The following KCNK10 variants were observed in gnomAD, a reference collection of about 807,000 sequenced individuals.
KCNK10 encodes potassium two pore domain channel subfamily K member 10, also known as potassium channel subfamily K member 10.
KCNK10 carries 25 observed loss-of-function variants against 47.7 expected under a neutral mutation model. The observed-to-expected ratio is 0.52, with a 90% CI of 0.38 to 0.73. The LOEUF (loss-of-function observed/expected upper bound fraction) is 0.73, where lower values mean the gene tolerates loss of function less well. Ranked by LOEUF, KCNK10 falls within the 30% of genes least tolerant of loss-of-function variation. KCNK10 has a pLI of 0.00. For synonymous variants in KCNK10, 303 were observed against 285.6 expected, an observed-to-expected ratio of 1.06 and a Z score of -0.61; for missense variants, 563 against 714.5, an observed-to-expected ratio of 0.79 and a Z score of 2.42.
At chr14:88,234,701 G>A (rs942965939) in intron 3 of KCNK10, among the ~76,000 whole-genome samples, 1 of 152,204 alleles carries the variant, frequency 6.6e-6, no homozygotes, top group African/African-American at 2.4e-5. Flanking sequence ...TCATTGCTGT[G>A]GACCAGTGAC....
At chr14:88,305,305 A>G (rs1888183324) in intron 1 of KCNK10, among the ~76,000 whole-genome samples, 2 of 152,364 alleles carry the variant, frequency 1.3e-5, no homozygotes, top group South Asian at 4.1e-4. Context: ...TTGCTAATTC[A>G]GGATTTACAG....
At chr14:88,295,333 C>A (rs1887964603) in intron 1 of KCNK10, among the ~76,000 whole-genome samples, 2 of 152,192 alleles carry the variant, frequency 1.3e-5, no homozygotes, top group Admixed American at 1.3e-4. Context: ...TCATAATTTG[C>A]AAAATTCTTC....
intron 4 of KCNK10, among the ~76,000 whole-genome samples, chr14:88,203,095 G>A (rs867404837): frequency 1.3e-5 from 2 of 152,178 alleles, no homozygotes; most frequent in Non-Finnish European, 2.9e-5. Context: ...GGACCCTGTG[G>A]AAGCCATTCC....
chr14:88,235,144 A>G (rs1035807900), intron 3 of KCNK10: 2 of 456,520 alleles, frequency 4.4e-6, no homozygotes, highest in African/African-American at 4.0e-5. Context: ...CTATTTGCAG[A>G]AACACTCTGT....
At chr14:88,276,109 A>G (rs1238567805) in intron 1 of KCNK10, among the ~76,000 whole-genome samples, 2 of 152,004 alleles carry the variant, frequency 1.3e-5, no homozygotes, top group Non-Finnish European at 2.9e-5. Flanking sequence ...AGTTGAAGCG[A>G]TTACTGCTAC....
intron 2 of KCNK10, among the ~76,000 whole-genome samples, chr14:88,247,616 G>C (rs1886681845): frequency 6.6e-6 from 1 of 152,192 alleles, no homozygotes; most frequent in Non-Finnish European, 1.5e-5. Context: ...CTGGCAGAAA[G>C]GACAGGGCAA....
At chr14:88,237,957 T>C (rs1279769495) in intron 3 of KCNK10, among the ~76,000 whole-genome samples, 1 of 152,222 alleles carries the variant, frequency 6.6e-6, no homozygotes, top group African/African-American at 2.4e-5. Flanking sequence ...TCTGTAACTA[T>C]GAAAGTCCTA....
intron 4 of KCNK10, among the ~76,000 whole-genome samples, chr14:88,220,348 C>T (rs427870): frequency 4.0e-5 from 5 of 123,792 alleles, no homozygotes; most frequent in East Asian, 2.8e-4. Flanking sequence ...ACCCGGGAGG[C>T]GGAGCTTGCA....
At chr14:88,222,816 C>G (rs1197986100) in intron 4 of KCNK10, among the ~76,000 whole-genome samples, 1 of 152,078 alleles carries the variant, frequency 6.6e-6, no homozygotes, top group African/African-American at 2.4e-5. Context: ...ATGTGAGTGA[C>G]AAGTCTGAGG....
chr14:88,234,140 C>T (rs1335406182), intron 3 of KCNK10, among the ~76,000 whole-genome samples: 2 of 152,116 alleles, frequency 1.3e-5, no homozygotes, highest in Admixed American at 6.5e-5. Flanking sequence ...ACTTTTTGCC[C>T]GTATACTAAA....
intron 2 of KCNK10, among the ~76,000 whole-genome samples, chr14:88,245,006 C>A (rs1254410531): frequency 6.6e-6 from 1 of 152,150 alleles, no homozygotes; most frequent in Admixed American, 6.5e-5. Context: ...CATTTTAATT[C>A]CATTCCTCCT....
Position 88,234,166 on chromosome 14 carries a change from C to CA in KCNK10, c.520+6536dup, listed in dbSNP as rs1231977370. ...GTATACTAAATGGTGTCAGGCCACCCAGCTTCCTTTGTTGGACGCTGTGAG... is the reference window on the plus strand; with the variant it reads ...GTATACTAAATGGTGTCAGGCCACCCAAGCTTCCTTTGTTGGACGCTGTGAG... On this transcript the variant is annotated intron_variant, in intron 3 of 6. Transcript: ENST00000319231. 3.9e-5 allele frequency among the ~76,000 whole-genome samples: 6 copies of CA among 152,278 alleles called. No homozygotes were observed. In the East Asian group the frequency reaches 1.2e-3, roughly 29 times the overall value.
chr14:88,258,459 T>G (rs1887019766), intron 2 of KCNK10, among the ~76,000 whole-genome samples: 2 of 152,012 alleles, frequency 1.3e-5, no homozygotes, highest in African/African-American at 2.4e-5. Context: ...CCCAGCTAAT[T>G]TTTGTATTTT....
chr14:88,234,537 CA>C (rs1203957449), intron 3 of KCNK10, among the ~76,000 whole-genome samples: 4 of 152,206 alleles, frequency 2.6e-5, no homozygotes, highest in Non-Finnish European at 5.9e-5. Context: ...AGTTGATTGT[CA>C]AAACTGTGCC....
chr14:88,287,766 G>C (rs1043185216), intron 1 of KCNK10, among the ~76,000 whole-genome samples: 129 of 151,230 alleles, frequency 8.5e-4, no homozygotes, highest in Admixed American at 8.5e-3. Context: ...TGGGCATTTG[G>C]GCTGGTTCCA....
intron 1 of KCNK10, among the ~76,000 whole-genome samples, chr14:88,282,617 G>A (rs1887674513): frequency 1.3e-5 from 2 of 152,136 alleles, no homozygotes; most frequent in Non-Finnish European, 2.9e-5. Context: ...TGGCATGAAG[G>A]GAACTACATC....
At chr14:88,292,244 A>G (rs1029350797) in intron 1 of KCNK10, among the ~76,000 whole-genome samples, 10 of 152,200 alleles carry the variant, frequency 6.6e-5, no homozygotes, top group African/African-American at 2.4e-4. Context: ...AGGAGGGAAA[A>G]GGAACAGCCA....
chr14:88,227,622 C>T, intron 3 of KCNK10, 87 bp from the exon 4 acceptor site: 2 of 1,254,910 alleles, frequency 1.6e-6, no homozygotes, highest in Non-Finnish European at 2.2e-6. Flanking sequence ...AAAGTTTGTA[C>T]ATTCCCCCAC....
At chr14:88,282,080 G>A (rs940172684) in intron 1 of KCNK10, among the ~76,000 whole-genome samples, 7 of 152,078 alleles carry the variant, frequency 4.6e-5, no homozygotes, top group Admixed American at 6.5e-5. Flanking sequence ...TATGGTGTCC[G>A]GCATTGGAGG....
Sources: allele counts gnomAD v4.1 joint callset (sites outside exome capture counted in the v4.1 genomes callset), GRCh38; gene constraint gnomAD v4.1.1; transcripts MANE v1.5; gene names NCBI Gene and HGNC (gene_info 2026-07-23, HGNC 2026-07-21).